The following MSRA variants were observed in gnomAD, a reference collection of about 807,000 sequenced individuals.
MSRA encodes methionine sulfoxide reductase A.
In MSRA, 54 loss-of-function variants were observed where a neutral mutation model predicts 31.3. That is an observed-to-expected ratio of 1.73 (90% CI 1.39 to 2.17). The LOEUF (loss-of-function observed/expected upper bound fraction) is 2.17, where lower values mean the gene tolerates loss of function less well. Among genes scored for constraint, MSRA ranks in the 30% most tolerant of loss-of-function variants. The pLI is 0.00. For missense variants in MSRA, 507 were observed against 300.9 expected (o/e 1.69, Z -5.07); for synonymous variants, 169 against 116.5 (o/e 1.45, Z -2.90).
intron 3 of MSRA, among the ~76,000 whole-genome samples, chr8:10,296,875 A>G (rs1408047656): frequency 6.6e-6 from 1 of 152,124 alleles, no homozygotes; most frequent in Non-Finnish European, 1.5e-5. Flanking sequence ...ACTCCTCACC[A>G]CTACCTGCTG....
At chr8:10,195,822 G>T in intron 1 of MSRA, among the ~76,000 whole-genome samples, 1 of 152,166 alleles carries the variant, frequency 6.6e-6, no homozygotes, top group Admixed American at 6.5e-5. Context: ...CATTTTTGAT[G>T]GGGAGCTTCC....
intron 5 of MSRA, among the ~76,000 whole-genome samples, chr8:10,358,176 A>G (rs1399021233): frequency 6.6e-6 from 1 of 152,084 alleles, no homozygotes; most frequent in African/African-American, 2.4e-5. Flanking sequence ...TGATCTGTCC[A>G]CCTTGGCCTC....
At chr8:10,329,768 C>G (rs1802583784) in intron 5 of MSRA, among the ~76,000 whole-genome samples, 1 of 150,904 alleles carries the variant, frequency 6.6e-6, no homozygotes, top group Non-Finnish European at 1.5e-5. Context: ...TGCCCTGAAC[C>G]CCAGAACACA....
chr8:10,329,881 A>G (rs1351180446), intron 5 of MSRA, among the ~76,000 whole-genome samples: 1 of 151,966 alleles, frequency 6.6e-6, no homozygotes, highest in Non-Finnish European at 1.5e-5. Flanking sequence ...CCTTTCATAC[A>G]TCTCTACCTT....
chr8:10,090,645 T>G lies in MSRA; in HGVS notation c.142+35987T>G, dbSNP rs1798806437. 5.3e-5 allele frequency among the ~76,000 whole-genome samples: 8 copies of G among 152,338 alleles called. No individual in the cohort carries two copies. In the South Asian group the frequency reaches 1.5e-3, roughly 28 times the overall value. On this transcript the variant is annotated intron_variant, in intron 1 of 5. Coordinates refer to ENST00000317173, the MANE Select transcript of MSRA (RefSeq NM_012331.5). The stretch of plus-strand genomic sequence containing the variant: ...ACCATTAAACCGTGAAAATGTTTGG[T>G]TCACTCCAAAAGGAAACCCCATAGT...
At chr8:10,237,777 T>C (rs570084815) in intron 2 of MSRA, among the ~76,000 whole-genome samples, 1 of 152,342 alleles carries the variant, frequency 6.6e-6, no homozygotes, top group South Asian at 2.1e-4. Context: ...GGAAATCCTT[T>C]TGGCTCTATC....
intron 1 of MSRA, among the ~76,000 whole-genome samples, chr8:10,137,403 T>C (rs1397441815): frequency 6.6e-6 from 1 of 152,204 alleles, no homozygotes. Context: ...ACTGCTTTCT[T>C]TGAGAGCAAG....
chr8:10,278,958 C>T (rs1799472065), intron 3 of MSRA, among the ~76,000 whole-genome samples: 1 of 152,110 alleles, frequency 6.6e-6, no homozygotes, highest in Admixed American at 6.5e-5. Flanking sequence ...ATTGAGCATG[C>T]CTAGTAACTG....
intron 2 of MSRA, among the ~76,000 whole-genome samples, chr8:10,213,239 C>T (rs1327008918): frequency 6.6e-6 from 1 of 152,050 alleles, no homozygotes; most frequent in Admixed American, 6.6e-5. Context: ...CTACTCTCAT[C>T]TCCATGAGTT....
rs533812214 is a variant in MSRA, at chr8:10,281,185, C to T, written c.332-20349C>T. ...TTCATCTCAGTAAAGCTGGTTGTTACCAGAGAAAAAAGCATTTTCTACCAA... is the reference window on the plus strand; with the variant it reads ...TTCATCTCAGTAAAGCTGGTTGTTATCAGAGAAAAAAGCATTTTCTACCAA... On this transcript the variant is annotated intron_variant, in intron 3 of 5. Coordinates refer to ENST00000317173, the MANE Select transcript of MSRA (RefSeq NM_012331.5). 7.9e-5 allele frequency among the ~76,000 whole-genome samples: 12 copies of T among 152,204 alleles called. No homozygotes were observed. The South Asian group carries it at 2.5e-3, about 32-fold the overall frequency.
At position 10,174,891 on chromosome 8, in the gene MSRA, T is replaced by TAG. The variant is rs146576867; in HGVS notation, c.143-32940_143-32939dup. 4.9e-3 allele frequency among the ~76,000 whole-genome samples: 742 copies of TAG among 152,314 alleles called. 10 individuals carry two copies. Among genetic ancestry groups the TAG allele is most frequent in the African/African-American group, 0.017 (708 of 41,562 alleles). On this transcript the variant is annotated intron_variant, in intron 1 of 5. Transcript: ENST00000317173. ...TATTCTGTCCTCTGGTGTCTGTCAATAGATCTCATCTCCCCAGACAGGCTG... is the reference window on the plus strand; with the variant it reads ...TATTCTGTCCTCTGGTGTCTGTCAATAGAGATCTCATCTCCCCAGACAGGCTG...
chr8:10,158,332 T>C (rs1337418279), intron 1 of MSRA, among the ~76,000 whole-genome samples: 1 of 152,216 alleles, frequency 6.6e-6, no homozygotes, highest in Non-Finnish European at 1.5e-5. Context: ...ACGTTTGCAT[T>C]ACCTCAAAAA....
At chr8:10,147,478 G>C (rs924160351) in intron 1 of MSRA, among the ~76,000 whole-genome samples, 1 of 152,170 alleles carries the variant, frequency 6.6e-6, no homozygotes, top group East Asian at 1.9e-4. Flanking sequence ...TGTGGTCCAG[G>C]AATGAGTGAA....
intron 1 of MSRA, among the ~76,000 whole-genome samples, chr8:10,103,592 A>G (rs1446933016): frequency 3.9e-5 from 6 of 152,226 alleles, no homozygotes; most frequent in Non-Finnish European, 7.3e-5. Flanking sequence ...TATCATAAAC[A>G]TGGGAGACAA....
intron 2 of MSRA, among the ~76,000 whole-genome samples, chr8:10,228,552 C>T (rs576362807): frequency 1.1e-4 from 17 of 152,312 alleles, no homozygotes; most frequent in Admixed American, 9.2e-4. Context: ...TGTGTCTGCA[C>T]GGGGAGGCTG....
At chr8:10,154,722 C>G (rs62488738) in intron 1 of MSRA, among the ~76,000 whole-genome samples, 44,961 of 151,870 alleles carry the variant, frequency 0.3, 7,149 homozygotes, top group East Asian at 0.46. Flanking sequence ...TTAAATGAAA[C>G]AATTCTACTT....
chr8:10,228,379 T>C (rs921232879), intron 2 of MSRA, among the ~76,000 whole-genome samples: 1 of 152,168 alleles, frequency 6.6e-6, no homozygotes. Flanking sequence ...GTGTACTTTA[T>C]TGATATCCAG....
intron 2 of MSRA, among the ~76,000 whole-genome samples, chr8:10,214,869 C>T (rs533468536): frequency 3.9e-5 from 6 of 152,242 alleles, no homozygotes; most frequent in South Asian, 4.2e-4. Flanking sequence ...CTTTCGTTTT[C>T]TTCTTGAGTG....
intron 2 of MSRA, among the ~76,000 whole-genome samples, chr8:10,226,819 A>G (rs750285714): frequency 6.6e-6 from 1 of 152,210 alleles, no homozygotes; most frequent in Non-Finnish European, 1.5e-5. Context: ...TCTACAGCTC[A>G]TTCTCAGCCT....
Sources: allele counts gnomAD v4.1 joint callset (sites outside exome capture counted in the v4.1 genomes callset), GRCh38; gene constraint gnomAD v4.1.1; transcripts MANE v1.5; gene names NCBI Gene and HGNC (gene_info 2026-07-23, HGNC 2026-07-21).